ZNF385D: variants seen among roughly 807,000 people sequenced by gnomAD.
ZNF385D encodes zinc finger protein 659.
A neutral mutation model predicts 35.8 loss-of-function variants in ZNF385D; 15 were observed. That is an observed-to-expected ratio of 0.42 (90% CI 0.28 to 0.64). The LOEUF is 0.64. Among genes scored for constraint, ZNF385D ranks in the 30% least tolerant of loss-of-function variants. ZNF385D has a pLI of 0.23. For synonymous variants in ZNF385D, 212 were observed against 186.8 expected (o/e 1.13, Z -1.10); for missense variants, 474 against 494.6 (o/e 0.96, Z 0.39).
At position 22,027,572 on chromosome 3, in the gene ZNF385D, G is replaced by A. The variant is rs534806546; in HGVS notation, c.325+141245C>T. ...GCTCTTGGCCTGTTACTGGGCTTTG[G>A]TGGAAACTGGACATTTGACTATGGC... On this transcript the variant is annotated intron_variant, in intron 3 of 5. Coordinates refer to the ZNF385D transcript ENST00000494108. 1.6e-3 allele frequency among the ~76,000 whole-genome samples: 248 copies of A among 152,280 alleles called. 1 individual carries two copies. Among genetic ancestry groups the A allele is most frequent in the African/African-American group, 5.3e-3 (219 of 41,538 alleles).
intron 3 of ZNF385D, among the ~76,000 whole-genome samples, chr3:22,123,103 A>C (rs1703188686): frequency 6.6e-6 from 1 of 152,146 alleles, no homozygotes; most frequent in African/African-American, 2.4e-5. Context: ...AACACTCTGG[A>C]TGATGAGTTG....
At chr3:22,289,864 A>T (rs1014824744) in intron 2 of ZNF385D, among the ~76,000 whole-genome samples, 1 of 152,140 alleles carries the variant, frequency 6.6e-6, no homozygotes, top group Non-Finnish European at 1.5e-5. Flanking sequence ...TACTGTTCAG[A>T]ATCCTGGAGG....
chr3:22,371,958 G>A (rs556336921), intron 2 of ZNF385D, among the ~76,000 whole-genome samples: 343 of 152,246 alleles, frequency 2.3e-3, no homozygotes, highest in Admixed American at 3.4e-3. Context: ...AAATGAAAAG[G>A]AAGCAGGAAG....
At chr3:21,552,891 AATT>A (rs2062614284) in intron 3 of ZNF385D, among the ~76,000 whole-genome samples, 1 of 152,202 alleles carries the variant, frequency 6.6e-6, no homozygotes, top group Non-Finnish European at 1.5e-5. Context: ...AAAATAAGGA[AATT>A]ATCCTGAATT....
chr3:22,175,746 G>A (rs1182701317), intron 2 of ZNF385D, among the ~76,000 whole-genome samples: 2 of 151,130 alleles, frequency 1.3e-5, no homozygotes, highest in Non-Finnish European at 3.0e-5. Flanking sequence ...GTATATATGT[G>A]TATAAATTAT....
At chr3:21,573,740 T>G (rs2125683311) in intron 2 of ZNF385D, among the ~76,000 whole-genome samples, 1 of 152,146 alleles carries the variant, frequency 6.6e-6, no homozygotes, top group East Asian at 1.9e-4. Context: ...AGTAGGAAGT[T>G]AGAATCATAT....
chr3:22,080,838 T>C (rs1383846193), intron 3 of ZNF385D, among the ~76,000 whole-genome samples: 2 of 152,050 alleles, frequency 1.3e-5, no homozygotes, highest in Non-Finnish European at 2.9e-5. Context: ...GCTAGGCCCT[T>C]GCTCCACGTG....
chr3:22,100,091 A>G (rs1198269741), intron 3 of ZNF385D, among the ~76,000 whole-genome samples: 2 of 150,048 alleles, frequency 1.3e-5, no homozygotes, highest in Non-Finnish European at 3.0e-5. Context: ...AATGCTCACC[A>G]TCACTGGCCA....
At chr3:21,718,238 A>G (rs1342471764) in intron 1 of ZNF385D, among the ~76,000 whole-genome samples, 1 of 152,168 alleles carries the variant, frequency 6.6e-6, no homozygotes, top group East Asian at 1.9e-4. Context: ...GCTTTTCCAG[A>G]TTTACTCCTG....
chr3:21,493,436 G>T (rs1705582014), intron 4 of ZNF385D, among the ~76,000 whole-genome samples: 1 of 152,024 alleles, frequency 6.6e-6, no homozygotes, highest in South Asian at 2.1e-4. Context: ...TGTTTAAAAA[G>T]CTATATAAAT....
intron 2 of ZNF385D, among the ~76,000 whole-genome samples, chr3:22,289,826 T>G (rs973406649): frequency 1.3e-5 from 2 of 151,884 alleles, no homozygotes; most frequent in African/African-American, 4.8e-5. Flanking sequence ...TGGGATAAGC[T>G]AGGGGAAAGG....
At chr3:21,571,952 C>T (rs763903520) in intron 2 of ZNF385D, among the ~76,000 whole-genome samples, 11 of 152,198 alleles carry the variant, frequency 7.2e-5, no homozygotes, top group East Asian at 1.9e-4. Context: ...CAAATTTCGC[C>T]GTCCATAGTT....
intron 2 of ZNF385D, among the ~76,000 whole-genome samples, chr3:22,187,915 G>C (rs1015441975): frequency 5.5e-4 from 83 of 152,236 alleles, no homozygotes; most frequent in African/African-American, 2.0e-3. Flanking sequence ...CCACACACAA[G>C]AATGTCCACA....
At chr3:21,985,482 T>A (rs1694754056) in intron 3 of ZNF385D, among the ~76,000 whole-genome samples, 1 of 115,890 alleles carries the variant, frequency 8.6e-6, no homozygotes, top group East Asian at 2.2e-4. Flanking sequence ...TTGATTTGCA[T>A]ATATTGAACC....
chr3:22,174,719 G>A (rs945255075), intron 2 of ZNF385D, among the ~76,000 whole-genome samples: 1 of 152,030 alleles, frequency 6.6e-6, no homozygotes, highest in African/African-American at 2.4e-5. Context: ...CTAATCTAGA[G>A]ATACTTCATG....
intron 3 of ZNF385D, among the ~76,000 whole-genome samples, chr3:22,117,725 G>A (rs997530773): frequency 6.6e-6 from 1 of 151,734 alleles, no homozygotes; most frequent in African/African-American, 2.4e-5. Flanking sequence ...TATTAATAAT[G>A]ATTAAAAAGT....
intron 1 of ZNF385D, among the ~76,000 whole-genome samples, chr3:21,679,166 T>C (rs2066820953): frequency 6.6e-6 from 1 of 152,108 alleles, no homozygotes; most frequent in African/African-American, 2.4e-5. Flanking sequence ...ATTTCGGTTC[T>C]CCTTCTATAA....
chr3:21,482,423 C>A (rs1704693204), intron 4 of ZNF385D, among the ~76,000 whole-genome samples: 2 of 152,152 alleles, frequency 1.3e-5, no homozygotes, highest in Non-Finnish European at 2.9e-5. Flanking sequence ...CTGCAAAGAC[C>A]AAAATGTTTC....
intron 3 of ZNF385D, among the ~76,000 whole-genome samples, chr3:22,116,993 G>T (rs1702845541): frequency 6.6e-6 from 1 of 151,950 alleles, no homozygotes; most frequent in Non-Finnish European, 1.5e-5. Context: ...AACAAATTAG[G>T]AAAATAGCTT....
Sources: gnomAD v4.1 joint callset for allele counts (sites outside exome capture counted in the v4.1 genomes callset) on GRCh38, gnomAD v4.1.1 for gene constraint, MANE v1.5 for transcripts, NCBI Gene and HGNC (gene_info 2026-07-23, HGNC 2026-07-21) for gene names.